Variants in DPYSL2 observed in about 807,000 individuals in gnomAD.
DPYSL2 encodes the protein dihydropyrimidinase like 2, also known as dihydropyrimidinase-related protein 2.
A neutral mutation model predicts 69.9 loss-of-function variants in DPYSL2; 13 were observed. The ratio of observed to expected loss-of-function variants is 0.19; its 90% CI spans 0.12 to 0.30. The LOEUF (loss-of-function observed/expected upper bound fraction) is 0.30. Among genes scored for constraint, DPYSL2 ranks in the 10% least tolerant of loss-of-function variants. DPYSL2 has a pLI of 1.00. For synonymous variants in DPYSL2, 326 were observed against 359.1 expected, an observed-to-expected ratio of 0.91 and a Z score of 1.04; for missense variants, 587 against 918.9, an observed-to-expected ratio of 0.64 and a Z score of 4.67.
Position 26,517,726 on chromosome 8 carries a change from A to G in DPYSL2, c.354+3047A>G, listed in dbSNP as rs543592553. 2.0e-5 allele frequency among the ~76,000 whole-genome samples: 3 copies of G among 152,296 alleles called. No individual in the cohort carries two copies. The highest frequency in any genetic ancestry group is 1.9e-4 in the East Asian group (1 of 5,166). ...CTCTAGGCCCTTTTCCCAGCAGCAAACAACCTATGCAGGCTGGAGTGACAG... is the reference window on the plus strand; with the variant it reads ...CTCTAGGCCCTTTTCCCAGCAGCAAGCAACCTATGCAGGCTGGAGTGACAG... On this transcript the variant is annotated intron_variant, in intron 1 of 13. Transcript: ENST00000521913. The surrounding 1 kb of genome is among the most constrained non-coding windows in gnomAD (Gnocchi z 4.2).
rs1011880788 is a variant in DPYSL2 at position 26,648,764 on chromosome 8, G to T, written c.1596+964G>T. 6.6e-6 allele frequency among the ~76,000 whole-genome samples: 1 copy of T among 152,244 alleles called. No homozygotes were observed. Among genetic ancestry groups the T allele is most frequent in the African/African-American group, 2.4e-5 (1 of 41,472 alleles). ...TTCTCCGGGACAACCCTGGGACTTT[G>T]CCCTGTCCCAGTCCTCTCTCATTTG... On this transcript the variant is annotated intron_variant, in intron 11 of 13. Coordinates refer to ENST00000521913, the MANE Select transcript of DPYSL2 (RefSeq NM_001197293.3). This position sits in a 1 kb window ranked among gnomAD's most constrained non-coding sequence, Gnocchi z 4.3.
rs1480816462 is a variant in DPYSL2, at chr8:26,598,486, A to G, written c.628+14503A>G. 2.0e-5 allele frequency among the ~76,000 whole-genome samples: 3 copies of G among 152,176 alleles called. No individual in the cohort carries two copies. Among genetic ancestry groups the G allele is most frequent in the African/African-American group, 7.2e-5 (3 of 41,440 alleles). Reference sequence around the variant, plus strand: ...TTTCCATGTTAAAAAAGGAAGATCCATGTTGCTGTACTTAATGCTTCATGT... The same window carrying G: ...TTTCCATGTTAAAAAAGGAAGATCCGTGTTGCTGTACTTAATGCTTCATGT... On this transcript the variant is annotated intron_variant, in intron 3 of 13. Transcript: ENST00000521913. The surrounding 1 kb of genome is among the most constrained non-coding windows in gnomAD (Gnocchi z 4.2).
intron 1 of DPYSL2, among the ~76,000 whole-genome samples, chr8:26,556,339 G>C (rs551353685): frequency 1.7e-3 from 10 of 5,774 alleles, no homozygotes; most frequent in Non-Finnish European, 3.2e-3. Context: ...TATATATATA[G>C]TATATATATA....
rs7009085 is a variant in DPYSL2, at chr8:26,580,172, G to A, written c.355-1797G>A. 0.13 allele frequency among the ~76,000 whole-genome samples: 19,777 copies of A among 152,066 alleles called. 1,357 individuals are homozygous for A. The highest frequency in any genetic ancestry group is 0.17 in the Middle Eastern group (50 of 294). ...GGGCAGGTACCACAGTGACTGTGGA[G>A]GCAGGAGGTGAAGGGGGAGGCCTCT... is the stretch of plus-strand genomic sequence containing the variant. On this transcript the variant is annotated intron_variant, in intron 1 of 13. Transcript: ENST00000521913. The surrounding 1 kb of genome is among the most constrained non-coding windows in gnomAD (Gnocchi z 4.1).
chr8:26,588,182 G>A lies in DPYSL2; in HGVS notation c.628+4199G>A, dbSNP rs1421620643. Among the ~76,000 whole-genome samples the A allele has an allele frequency of 6.6e-6, 1 of 152,190 alleles. No homozygotes were observed. The highest frequency in any genetic ancestry group is 1.5e-5 in the Non-Finnish European group (1 of 68,034). On this transcript the variant is annotated intron_variant, in intron 3 of 13. Transcript: ENST00000521913. This position sits in a 1 kb window ranked among gnomAD's most constrained non-coding sequence, Gnocchi z 5.4. ...CACCCTCCCATCTCTTGTACACTGA[G>A]CTCTACTCTCCCCCGCATGGCCGGA...
intron 3 of DPYSL2, among the ~76,000 whole-genome samples, chr8:26,595,677 C>T (rs1429988028): frequency 6.6e-6 from 1 of 152,190 alleles, no homozygotes; most frequent in Non-Finnish European, 1.5e-5. Context: ...ACAAATTCTT[C>T]CCCAGTGGGT....
At chr8:26,623,718 C>T (rs778368196) in intron 3 of DPYSL2, 32 of 160,404 alleles carry the variant, frequency 2.0e-4, no homozygotes, top group Non-Finnish European at 2.9e-4. Flanking sequence ...AGGCCCGGTC[C>T]GTGTGGCTCT....
intron 1 of DPYSL2, among the ~76,000 whole-genome samples, chr8:26,523,627 T>C (rs1207470604): frequency 1.3e-5 from 2 of 152,184 alleles, no homozygotes; most frequent in African/African-American, 4.8e-5. Flanking sequence ...AGTTTGTTCA[T>C]GTTGTAGCAT....
Position 26,647,635 on chromosome 8 carries a change from T to C in DPYSL2, c.1431T>C (p.Thr477=), listed in dbSNP as rs781687567. 1.2e-6 allele frequency: 2 copies of C among 1,612,220 alleles called. No homozygotes were observed. Among genetic ancestry groups the C allele is most frequent in the Non-Finnish European group, 1.7e-6 (2 of 1,179,204 alleles). ...ACCTATGCTGTCTCCCTCAGGTCAC[T>C]GGGAAGATGGATGAGAACCAGTTTG... is the stretch of plus-strand genomic sequence containing the variant. ...MSVIWDKAVV[T]GKMDENQFVA... is the part of the protein sequence containing the mutation. The change falls in exon 11 of 14, where the codon ACT becomes ACC. Residue 477 remains threonine, a synonymous_variant. Transcript: ENST00000521913. The surrounding 1 kb of genome is among the most constrained non-coding windows in gnomAD (Gnocchi z 5.1).
intron 1 of DPYSL2, among the ~76,000 whole-genome samples, chr8:26,529,303 C>CTATCTATCTATCTATCATCT (rs767380603): frequency 6.8e-6 from 1 of 147,478 alleles, no homozygotes; most frequent in African/African-American, 2.6e-5. Flanking sequence ...ATCTATCTAT[C>CTATCTATCTATCTATCATCT]ATCTATCTAT....
Position 26,605,061 on chromosome 8 carries a change from T to C in DPYSL2, c.629-19082T>C, listed in dbSNP as rs545737575. ...TTCTCAAAGGCGTTATGTTCTGCAT[T>C]GTAAATGTGCGGAAATCAGTCACCC... On this transcript the variant is annotated intron_variant, in intron 3 of 13. Transcript: ENST00000521913. This position sits in a 1 kb window ranked among gnomAD's most constrained non-coding sequence, Gnocchi z 4.1. Among the ~76,000 whole-genome samples, 1 of 152,272 alleles carries C rather than the reference T, an allele frequency of 6.6e-6. No homozygotes were observed. Among genetic ancestry groups the C allele is most frequent in the East Asian group, 1.9e-4 (1 of 5,164 alleles).
intron 3 of DPYSL2, among the ~76,000 whole-genome samples, chr8:26,618,508 G>C (rs1212090245): frequency 7.6e-6 from 1 of 132,260 alleles, no homozygotes; most frequent in African/African-American, 2.9e-5. Flanking sequence ...TTGTAGAGTT[G>C]GGGTCTCACT....
At chr8:26,600,232 AT>A (rs1403047866) in intron 3 of DPYSL2, among the ~76,000 whole-genome samples, 1 of 152,092 alleles carries the variant, frequency 6.6e-6, no homozygotes, top group Non-Finnish European at 1.5e-5. Context: ...GTGGGCAAGC[AT>A]TTGCGTGGGC....
chr8:26,628,502 C>T (rs892103871), intron 7 of DPYSL2, among the ~76,000 whole-genome samples: 6 of 152,094 alleles, frequency 3.9e-5, no homozygotes, highest in Non-Finnish European at 5.9e-5. Context: ...TGTGTGAGTT[C>T]GAAGGGAGGG....
chr8:26,566,348 C>T lies in DPYSL2; in HGVS notation c.355-15621C>T, dbSNP rs532004403. ...CACGGGATCCCCCTCCCTAAAGGGG[C>T]CCTGCAGGAGAAAGGAGGGAATTGG... On this transcript the variant is annotated intron_variant, in intron 1 of 13. Transcript: ENST00000521913. Among the ~76,000 whole-genome samples the T allele has an allele frequency of 1.0e-3, 153 of 152,272 alleles. 2 individuals carry two copies. The highest frequency in any genetic ancestry group is 1.9e-3 in the Non-Finnish European group (129 of 68,020).
intron 3 of DPYSL2, among the ~76,000 whole-genome samples, chr8:26,601,029 G>C (rs868034428): frequency 6.6e-6 from 1 of 152,208 alleles, no homozygotes; most frequent in Admixed American, 6.5e-5. Flanking sequence ...GGCACTCTCA[G>C]CCATGATATG....
rs564192500 is a variant in DPYSL2 at position 26,644,793 on chromosome 8, A to G, written c.1425+702A>G. ...AAAAGTGTCTTTTAGGGCTCTCTGGACTTAGCATGTCTTCTACTGCCAGCT... is the reference window on the plus strand; with the variant it reads ...AAAAGTGTCTTTTAGGGCTCTCTGGGCTTAGCATGTCTTCTACTGCCAGCT... On this transcript the variant is annotated intron_variant, in intron 10 of 13. Transcript: ENST00000521913. The surrounding 1 kb of genome is among the most constrained non-coding windows in gnomAD (Gnocchi z 4.5). Among the ~76,000 whole-genome samples, 13 of 152,054 alleles carry G rather than the reference A, an allele frequency of 8.5e-5. No homozygotes were observed. Among genetic ancestry groups the G allele is most frequent in the Non-Finnish European group, 1.9e-4 (13 of 68,012 alleles).
intron 1 of DPYSL2, among the ~76,000 whole-genome samples, chr8:26,542,724 C>A (rs1321392049): frequency 6.6e-6 from 1 of 152,100 alleles, no homozygotes; most frequent in Non-Finnish European, 1.5e-5. Context: ...CCACACCTGG[C>A]CTAACTTTTA....
Position 26,624,393 on chromosome 8 carries a change from C to G in DPYSL2, c.793+86C>G, listed in dbSNP as rs948255229. 1.5e-5 allele frequency: 22 copies of G among 1,503,754 alleles called. No individual in the cohort carries two copies. Among genetic ancestry groups the G allele is most frequent in the Non-Finnish European group, 2.7e-6 (3 of 1,104,958 alleles). The allele number at this position is 1,503,754 out of a possible 1,614,324, so 93.2% of individuals were successfully genotyped here. On this transcript the variant is annotated intron_variant, in intron 4 of 13. Coordinates refer to ENST00000521913, the MANE Select transcript of DPYSL2 (RefSeq NM_001197293.3). This position sits in a 1 kb window ranked among gnomAD's most constrained non-coding sequence, Gnocchi z 4.7. ...CAGCCCTGGGAAGAAAGTGATAATG[C>G]TTCCAGATCCCATTTGTGCCTCATG...
Sources: allele counts gnomAD v4.1 joint callset (sites outside exome capture counted in the v4.1 genomes callset), GRCh38; gene constraint gnomAD v4.1.1; non-coding constraint Gnocchi (gnomAD v3.1); transcripts MANE v1.5; gene names NCBI Gene and HGNC (gene_info 2026-07-23, HGNC 2026-07-21).